Variants in CEP152 observed in about 807,000 individuals in gnomAD.
The protein encoded by CEP152 is centrosomal protein of 152 kDa.
In CEP152, 132 loss-of-function variants were observed where a neutral mutation model predicts 188.9. The ratio of observed to expected loss-of-function variants is 0.70; its 90% CI spans 0.61 to 0.81. The LOEUF (loss-of-function observed/expected upper bound fraction) is 0.81, where lower values mean the gene tolerates loss of function less well. Ranked by LOEUF, CEP152 falls within the 30% of genes least tolerant of loss-of-function variation. CEP152 has a pLI of 0.00. For synonymous variants in CEP152, 649 were observed against 666.6 expected, an observed-to-expected ratio of 0.97 and a Z score of 0.41; for missense variants, 1,914 against 1,969.8, an observed-to-expected ratio of 0.97 and a Z score of 0.54.
At chr15:48,780,788 T>C (rs1896192428) in intron 12 of CEP152, among the ~76,000 whole-genome samples, 1 of 152,186 alleles carries the variant, frequency 6.6e-6, no homozygotes, top group Non-Finnish European at 1.5e-5. Context: ...TCCTATCTCA[T>C]CTTTTGTACT....
At chr15:48,768,659 C>T (rs556726045) in intron 14 of CEP152, among the ~76,000 whole-genome samples, 14 of 152,218 alleles carry the variant, frequency 9.2e-5, no homozygotes, top group African/African-American at 3.4e-4. Context: ...CTTCAGCAAC[C>T]ATCTAAATAA....
In CEP152 at chr15:48,781,315, A is replaced by C. The variant is rs1398160489; in HGVS notation, c.1458T>G (p.Ser486=). The C allele has an allele frequency of 1.2e-6, 2 of 1,611,236 alleles. No individual in the cohort carries two copies. The highest frequency in any genetic ancestry group is 1.7e-6 in the Non-Finnish European group (2 of 1,177,738). ...ELKDEISLYE[S]AAKLGIHPSD... is the part of the protein sequence containing the mutation. ...TTGGATGTATTCCTAGTTTTGCAGC[A>C]GATTCATAGAGAGAAATTTCATCTT... Residue 486 remains serine (S), a synonymous_variant, in exon 12 of 27, where the codon TCT becomes TCG. Transcript: ENST00000380950.
intron 10 of CEP152, among the ~76,000 whole-genome samples, chr15:48,782,952 A>C (rs546849751): frequency 6.6e-6 from 1 of 152,320 alleles, no homozygotes; most frequent in African/African-American, 2.4e-5. Context: ...ATAAAGCATA[A>C]TCCAAATTTT....
At chr15:48,763,994 T>C (rs141883316) in intron 17 of CEP152, among the ~76,000 whole-genome samples, 451 of 152,336 alleles carry the variant, frequency 3.0e-3, no homozygotes, top group African/African-American at 0.01. Flanking sequence ...AAACTTGTTA[T>C]ATCCTGAGTT....
chr15:48,797,374 C>G lies in CEP152; in HGVS notation c.467G>C (p.Gly156Ala). The G allele has an allele frequency of 6.2e-7, 1 of 1,614,068 alleles. No homozygotes were observed. Among genetic ancestry groups the G allele is most frequent in the Non-Finnish European group, 8.5e-7 (1 of 1,179,960 alleles). The change falls in exon 5 of 27, where the codon GGT becomes GCT. Residue 156 changes from glycine (G) to alanine (A), a missense_variant. By Grantham distance (60) the Gly-to-Ala change is moderately conservative. Coordinates refer to ENST00000380950, the MANE Select transcript of CEP152 (RefSeq NM_001194998.2). ...TTGGTTATTAAATTCCTGCTTCTGA[C>G]CATTGGTATATGGCCTAAAGTTTTC... ...LPENFRPYTN[G>A]QKQEFNNQAT...
rs770008695 is a variant in CEP152 at position 48,738,743 on chromosome 15, C to T, written c.4639G>A (p.Ala1547Thr). ...AAACCTTGACTTTTCTCAGATGCAGCATTTTCACTTTCCATTAGTGGATTG... is the reference window on the plus strand; with the variant it reads ...AAACCTTGACTTTTCTCAGATGCAGTATTTTCACTTTCCATTAGTGGATTG... ...KCNPLMESEN[A>T]ASEKSQGLDV... Residue 1547 changes from alanine to threonine, a missense_variant, in exon 27 of 27, where the codon GCT becomes ACT. By Grantham distance (58) the Ala-to-Thr change is moderately conservative. Coordinates refer to ENST00000380950, the MANE Select transcript of CEP152 (RefSeq NM_001194998.2). The T allele has an allele frequency of 1.2e-6, 2 of 1,614,088 alleles. No homozygotes were observed. The highest frequency in any genetic ancestry group is 2.7e-5 in the African/African-American group (2 of 74,936).
intron 13 of CEP152, 64 bp downstream of exon 13, chr15:48,772,423 G>A (rs924711403): frequency 2.9e-6 from 4 of 1,358,208 alleles, no homozygotes; most frequent in African/African-American, 2.9e-5. Flanking sequence ...AAAAAAAAAA[G>A]TGTAAAAGTT....
chr15:48,733,872 G>GA (rs926078403), downstream of CEP152, among the ~76,000 whole-genome samples: 2 of 152,030 alleles, frequency 1.3e-5, no homozygotes, highest in Non-Finnish European at 2.9e-5. Flanking sequence ...AATGCTGGAG[G>GA]AAAAAAGTCA....
chr15:48,747,164 C>T (rs1297775522), intron 22 of CEP152, among the ~76,000 whole-genome samples: 4 of 152,092 alleles, frequency 2.6e-5, no homozygotes, highest in African/African-American at 7.2e-5. Flanking sequence ...TCCAGCTACC[C>T]TATGGAGAAT....
chr15:48,749,389 G>C (rs1299652285), intron 21 of CEP152, among the ~76,000 whole-genome samples: 4 of 151,952 alleles, frequency 2.6e-5, no homozygotes, highest in Non-Finnish European at 4.4e-5. Flanking sequence ...CCAAATATAA[G>C]AGAAGGTTTT....
intron 12 of CEP152, among the ~76,000 whole-genome samples, chr15:48,778,001 T>C (rs1277087751): frequency 6.6e-6 from 1 of 152,152 alleles, no homozygotes; most frequent in African/African-American, 2.4e-5. Context: ...TAAATCCAAA[T>C]AAACTGTAGT....
chr15:48,807,238 C>G (rs1005500693), intron 1 of CEP152, among the ~76,000 whole-genome samples: 4 of 152,080 alleles, frequency 2.6e-5, no homozygotes, highest in Admixed American at 2.6e-4. Context: ...TATAAGAATC[C>G]TTTTGTATGT....
Position 48,767,165 on chromosome 15 carries a change from C to T in CEP152, c.2175G>A (p.Glu725=). Residue 725 remains glutamate (E), a synonymous_variant, in exon 17 of 27, where the codon GAG becomes GAA. Coordinates refer to ENST00000380950, the MANE Select transcript of CEP152 (RefSeq NM_001194998.2). ...GGTAACATTCCTGCACAGCAGTCACCTCCTTATTCAACTTATCCAACTCAG... is the reference window on the plus strand; with the variant it reads ...GGTAACATTCCTGCACAGCAGTCACTTCCTTATTCAACTTATCCAACTCAG... The part of the protein sequence containing the change: ...LRSELDKLNK[E]VTAVQECYLE... 1 of 1,613,844 alleles carries T rather than the reference C, an allele frequency of 6.2e-7. No individual in the cohort carries two copies. The highest frequency in any genetic ancestry group is 8.5e-7 in the Non-Finnish European group (1 of 1,180,024).
Position 48,738,396 on chromosome 15 carries a change from A to G in CEP152, c.4986T>C (p.His1662=), listed in dbSNP as rs1892715525. 1 of 1,614,212 alleles carries G rather than the reference A, an allele frequency of 6.2e-7. No individual in the cohort carries two copies. The highest frequency in any genetic ancestry group is 1.3e-5 in the African/African-American group (1 of 75,076). The change falls in exon 27 of 27, where the codon CAT becomes CAC. Residue 1662 remains histidine, a synonymous_variant. Transcript: ENST00000380950. ...AATCTGACTTTAATCTATCAGCCTT[A>G]TGACGAGATGGGTGTCCACAATTCA... The part of the protein sequence containing the change: ...ISVNCGHPSR[H]KADRLKSDFK...
downstream of CEP152, among the ~76,000 whole-genome samples, chr15:48,735,345 T>C (rs1892559046): frequency 6.6e-6 from 1 of 152,186 alleles, no homozygotes; most frequent in African/African-American, 2.4e-5. Flanking sequence ...ACATATGAGG[T>C]GCAACTTAAA....
At chr15:48,745,319 A>T (rs1164648263) in intron 22 of CEP152, among the ~76,000 whole-genome samples, 1 of 152,104 alleles carries the variant, frequency 6.6e-6, no homozygotes, top group Non-Finnish European at 1.5e-5. Context: ...CATGTTCCCT[A>T]TGGATCCTGG....
intron 21 of CEP152, among the ~76,000 whole-genome samples, chr15:48,750,757 A>G (rs1025243125): frequency 2.6e-4 from 40 of 152,204 alleles, no homozygotes; most frequent in African/African-American, 9.6e-4. Context: ...ATAGAGTATT[A>G]AACTATTTTT....
rs376099036 is a variant in CEP152, at chr15:48,742,026, G to A, written c.3910C>T (p.Arg1304Cys). ...CGCATCTTTCGGGCGGTTTCTTGAC[G>A]TTCTCGCAGTACCTCTGCTTTTACC... ...EMVKAEVLRERQETARKMRKY... is the reference protein window; with the variant it reads ...EMVKAEVLRECQETARKMRKY... The change falls in exon 25 of 27, where the codon CGT becomes TGT. Residue 1304 changes from arginine (R) to cysteine (C), a missense_variant. By Grantham distance (180) the Arg-to-Cys change is radical (BLOSUM62 -3). Coordinates refer to ENST00000380950, the MANE Select transcript of CEP152 (RefSeq NM_001194998.2). 2.5e-5 allele frequency: 40 copies of A among 1,613,972 alleles called. No homozygotes were observed. Among genetic ancestry groups the A allele is most frequent in the African/African-American group, 1.6e-4 (12 of 74,890 alleles).
Position 48,769,066 on chromosome 15 carries a change from A to T in CEP152, c.1798T>A (p.Ser600Thr). 1 of 1,606,968 alleles carries T rather than the reference A, an allele frequency of 6.2e-7. No individual in the cohort carries two copies. Among genetic ancestry groups the T allele is most frequent in the Non-Finnish European group, 8.5e-7 (1 of 1,174,326 alleles). ...CATAATTGATTCTTTGGTTTTTCTG[A>T]GGTATCTGTTTTAGTCTGAATATTA... The part of the protein sequence containing the change: ...SIEVETKTDT[S>T]EKPKNQLWPE... The change falls in exon 14 of 27, where the codon TCA (serine) becomes ACA (threonine). Residue 600 changes from serine to threonine, a missense_variant. Ser to Thr is a moderately conservative substitution (Grantham distance 58). Coordinates refer to ENST00000380950, the MANE Select transcript of CEP152 (RefSeq NM_001194998.2).
Sources: allele counts gnomAD v4.1 joint callset (sites outside exome capture counted in the v4.1 genomes callset), GRCh38; gene constraint gnomAD v4.1.1; transcripts MANE v1.5; gene names NCBI Gene and HGNC (gene_info 2026-07-23, HGNC 2026-07-21).